Variants in CDH12 observed in about 807,000 individuals in gnomAD.
CDH12 encodes cadherin-12.
A neutral mutation model predicts 74.1 loss-of-function variants in CDH12; 41 were observed. The ratio of observed to expected loss-of-function variants is 0.55; its 90% CI spans 0.43 to 0.72. CDH12 has a LOEUF of 0.72. CDH12 is among the 30% of genes least tolerant of loss of function. The probability of loss-of-function intolerance (pLI) is 0.00; values close to 1 mark genes in which losing one functional copy is unlikely to be tolerated. For synonymous variants in CDH12, 399 were observed against 355.0 expected (o/e 1.12, Z -1.39); for missense variants, 945 against 977.2 (o/e 0.97, Z 0.44).
chr5:22,668,063 T>C (rs958376141), intron 1 of CDH12, among the ~76,000 whole-genome samples: 3 of 152,212 alleles, frequency 2.0e-5, no homozygotes, highest in Admixed American at 2.0e-4. Context: ...AAAACACCAC[T>C]TTGTCATTTT....
chr5:22,746,681 T>C (rs1300847534), intron 1 of CDH12, among the ~76,000 whole-genome samples: 1 of 152,234 alleles, frequency 6.6e-6, no homozygotes, highest in East Asian at 1.9e-4. Context: ...CCATTCTTAA[T>C]TTTCAGTATT....
chr5:22,492,855 A>G (rs533280408), intron 2 of CDH12, among the ~76,000 whole-genome samples: 2 of 152,054 alleles, frequency 1.3e-5, no homozygotes, highest in East Asian at 3.9e-4. Context: ...TTTGTTTTAT[A>G]ATCCTGCCAT....
chr5:22,737,855 A>G (rs1744821487), intron 1 of CDH12, among the ~76,000 whole-genome samples: 1 of 152,122 alleles, frequency 6.6e-6, no homozygotes, highest in Admixed American at 6.6e-5. Flanking sequence ...ATAATTATAC[A>G]AATGTCAAGC....
chr5:21,807,421 T>G (rs575287516), intron 9 of CDH12, among the ~76,000 whole-genome samples: 248 of 152,206 alleles, frequency 1.6e-3, no homozygotes, highest in Admixed American at 5.5e-3. Flanking sequence ...GAGAATTGGT[T>G]TTGTCTGTGC....
chr5:22,630,261 A>G (rs1417988699), intron 1 of CDH12, among the ~76,000 whole-genome samples: 2 of 152,246 alleles, frequency 1.3e-5, no homozygotes, highest in Admixed American at 6.5e-5. Context: ...AAAAGAAACT[A>G]TTCTAAAATT....
At chr5:22,483,206 T>G (rs960121848) in intron 2 of CDH12, among the ~76,000 whole-genome samples, 4 of 152,176 alleles carry the variant, frequency 2.6e-5, no homozygotes, top group African/African-American at 9.6e-5. Flanking sequence ...ATTTTTGCCA[T>G]GTCACGTCTA....
chr5:22,426,744 A>G (rs934650238), intron 2 of CDH12, among the ~76,000 whole-genome samples: 1 of 152,170 alleles, frequency 6.6e-6, no homozygotes, highest in Non-Finnish European at 1.5e-5. Context: ...TTTTTCTCAC[A>G]TTGTAGTTAG....
intron 1 of CDH12, among the ~76,000 whole-genome samples, chr5:22,791,916 G>T (rs1165203402): frequency 2.0e-5 from 3 of 151,986 alleles, no homozygotes; most frequent in African/African-American, 7.3e-5. Flanking sequence ...ATGAGATTTG[G>T]GTGGGCACAC....
At chr5:22,540,255 T>G (rs141068927) in intron 1 of CDH12, among the ~76,000 whole-genome samples, 296 of 152,142 alleles carry the variant, frequency 1.9e-3, no homozygotes, top group Middle Eastern at 0.017. Flanking sequence ...ATAAAGAGGA[T>G]GAGTTTGTTG....
chr5:22,026,389 T>C (rs1260868793), intron 5 of CDH12, among the ~76,000 whole-genome samples: 5 of 152,110 alleles, frequency 3.3e-5, no homozygotes, highest in Non-Finnish European at 7.4e-5. Context: ...CAAGACAGCA[T>C]AAAATTTGAC....
At chr5:22,709,150 A>G (rs1475123245) in intron 1 of CDH12, among the ~76,000 whole-genome samples, 1 of 152,186 alleles carries the variant, frequency 6.6e-6, no homozygotes, top group African/African-American at 2.4e-5. Flanking sequence ...GGGAAGAGAG[A>G]GAGTGGCCAC....
chr5:22,461,646 G>A (rs1745529946), intron 2 of CDH12, among the ~76,000 whole-genome samples: 1 of 151,914 alleles, frequency 6.6e-6, no homozygotes, highest in Non-Finnish European at 1.5e-5. Flanking sequence ...ATATATAAAT[G>A]ACACATAGAA....
chr5:22,050,709 C>CA (rs998809147), intron 5 of CDH12, among the ~76,000 whole-genome samples: 7 of 152,048 alleles, frequency 4.6e-5, no homozygotes, highest in African/African-American at 1.4e-4. Flanking sequence ...TTCTGTGGCA[C>CA]ATTACAAAAA....
intron 5 of CDH12, among the ~76,000 whole-genome samples, chr5:22,005,118 G>A (rs1180895246): frequency 1.3e-5 from 2 of 152,072 alleles, no homozygotes; most frequent in Non-Finnish European, 2.9e-5. Context: ...TAGGCTCACT[G>A]CAGCCTTTGC....
At chr5:22,631,342 G>A (rs147013683) in intron 1 of CDH12, among the ~76,000 whole-genome samples, 5 of 152,222 alleles carry the variant, frequency 3.3e-5, no homozygotes, top group East Asian at 1.9e-4. Context: ...ATGTATATGC[G>A]TACTGCAGCA....
At chr5:22,161,618 G>C (rs1413714813) in intron 4 of CDH12, among the ~76,000 whole-genome samples, 1 of 152,002 alleles carries the variant, frequency 6.6e-6, no homozygotes, top group Non-Finnish European at 1.5e-5. Context: ...GATGAGCTCA[G>C]GAGTTCAAGA....
chr5:22,500,423 C>T (rs1747283918), intron 2 of CDH12, among the ~76,000 whole-genome samples: 1 of 152,108 alleles, frequency 6.6e-6, no homozygotes, highest in African/African-American at 2.4e-5. Flanking sequence ...TTTGTAAGGT[C>T]ATTTTTCATA....
At chr5:21,789,667 T>C (rs1234223724) in intron 10 of CDH12, among the ~76,000 whole-genome samples, 1 of 152,204 alleles carries the variant, frequency 6.6e-6, no homozygotes, top group Non-Finnish European at 1.5e-5. Context: ...ACTTGCATGA[T>C]ATTTTTCAAA....
At chr5:22,734,574 T>C (rs191192891) in intron 1 of CDH12, among the ~76,000 whole-genome samples, 1 of 151,978 alleles carries the variant, frequency 6.6e-6, no homozygotes, top group Non-Finnish European at 1.5e-5. Flanking sequence ...TTTAAAGACT[T>C]ATTTTTGAAA....
Sources: gnomAD v4.1 joint callset for allele counts (sites outside exome capture counted in the v4.1 genomes callset) on GRCh38, gnomAD v4.1.1 for gene constraint, MANE v1.5 for transcripts, NCBI Gene and HGNC (gene_info 2026-07-23, HGNC 2026-07-21) for gene names.